The following SYNPO2 variants were observed in gnomAD, a reference collection of about 807,000 sequenced individuals.
SYNPO2 encodes the protein synaptopodin-2.
SYNPO2 carries 56 observed loss-of-function variants against 85.0 expected under a neutral mutation model. The ratio of observed to expected loss-of-function variants is 0.66; its 90% CI spans 0.53 to 0.82. The LOEUF is 0.82. Ranked by LOEUF, SYNPO2 falls within the 40% of genes least tolerant of loss-of-function variation. The pLI, the probability that SYNPO2 is intolerant of heterozygous loss-of-function variation, is 0.00. For missense variants in SYNPO2, 1,575 were observed against 1,534.2 expected, an observed-to-expected ratio of 1.03 and a Z score of -0.44; for synonymous variants, 602 against 591.1, an observed-to-expected ratio of 1.02 and a Z score of -0.27.
At chr4:118,954,307 C>CT (rs961995573) in intron 1 of SYNPO2, among the ~76,000 whole-genome samples, 11 of 152,116 alleles carry the variant, frequency 7.2e-5, no homozygotes, top group South Asian at 2.1e-4. Context: ...AGTGCTTTCT[C>CT]TTTTTTTTCT....
intron 1 of SYNPO2, among the ~76,000 whole-genome samples, chr4:118,857,318 C>A (rs991331619): frequency 3.3e-5 from 5 of 152,008 alleles, no homozygotes; most frequent in African/African-American, 1.2e-4. Flanking sequence ...TAGGGCATAT[C>A]CAGCCACGTA....
intron 1 of SYNPO2, among the ~76,000 whole-genome samples, chr4:118,977,381 A>G (rs1162869192): frequency 6.6e-6 from 1 of 152,190 alleles, no homozygotes; most frequent in Non-Finnish European, 1.5e-5. Flanking sequence ...CCGGAACTCC[A>G]GCTGGCCCGC....
chr4:118,929,583 C>T (rs1306217462), intron 1 of SYNPO2, among the ~76,000 whole-genome samples: 6 of 152,136 alleles, frequency 3.9e-5, no homozygotes, highest in Middle Eastern at 3.4e-3. Flanking sequence ...AATGGAATCC[C>T]GCCCCTCACT....
At chr4:118,940,761 A>T (rs1734282002) in intron 1 of SYNPO2, among the ~76,000 whole-genome samples, 2 of 152,188 alleles carry the variant, frequency 1.3e-5, no homozygotes, top group African/African-American at 4.8e-5. Flanking sequence ...GGGGACACTG[A>T]CAGAGTGAGG....
chr4:118,949,808 A>G (rs1386624034), intron 1 of SYNPO2, among the ~76,000 whole-genome samples: 1 of 152,090 alleles, frequency 6.6e-6, no homozygotes, highest in Non-Finnish European at 1.5e-5. Context: ...TCACTGAACT[A>G]GGGGCTTCTA....
intron 1 of SYNPO2, among the ~76,000 whole-genome samples, chr4:118,952,172 T>C (rs1162639094): frequency 6.6e-6 from 1 of 152,234 alleles, no homozygotes; most frequent in Non-Finnish European, 1.5e-5. Context: ...CTTGCACTAC[T>C]TTGAAGATTA....
intron 1 of SYNPO2, among the ~76,000 whole-genome samples, chr4:118,871,131 T>G (rs1028981834): frequency 3.3e-5 from 5 of 152,120 alleles, no homozygotes; most frequent in Admixed American, 2.0e-4. Flanking sequence ...TGATTTAAAT[T>G]TATAACAACC....
chr4:118,904,891 A>G (rs1732882978), intron 1 of SYNPO2, among the ~76,000 whole-genome samples: 1 of 152,176 alleles, frequency 6.6e-6, no homozygotes, highest in Admixed American at 6.5e-5. Context: ...GCTCAGCATA[A>G]CTGCTATTAG....
rs748538228 is a variant in SYNPO2 at position 119,057,765 on chromosome 4, A to T, written c.3617A>T (p.Asn1206Ile). The change falls in exon 5 of 5, where the codon AAT becomes ATT. Residue 1206 changes from asparagine (N) to isoleucine (I), a missense_variant. By Grantham distance (149) the Asn-to-Ile change is moderately radical (BLOSUM62 -3). Around this residue, in one of 3 missense-constraint regions of SYNPO2, gnomAD observed 1,508 missense variants for 1,446.8 expected, o/e 1.04. Transcript: ENST00000307142. Reference sequence around the variant, plus strand: ...GAGTATAATGTCACAGCCAATAATAATATGTCCACCACCTCCCAATATGGT... The same window carrying T: ...GAGTATAATGTCACAGCCAATAATATTATGTCCACCACCTCCCAATATGGT... ...RQEYNVTANNNMSTTSQYGSQ... is the reference protein window; with the variant it reads ...RQEYNVTANNIMSTTSQYGSQ... 3.1e-6 allele frequency: 5 copies of T among 1,614,106 alleles called. No homozygotes were observed. The highest frequency in any genetic ancestry group is 4.2e-6 in the Non-Finnish European group (5 of 1,180,012).
intron 1 of SYNPO2, among the ~76,000 whole-genome samples, chr4:118,949,391 A>G (rs938204837): frequency 1.3e-5 from 2 of 152,164 alleles, no homozygotes; most frequent in Non-Finnish European, 2.9e-5. Flanking sequence ...CTTCCTTCCA[A>G]AATGCAAATC....
intron 3 of SYNPO2, among the ~76,000 whole-genome samples, chr4:119,028,806 G>A (rs999434783): frequency 6.6e-6 from 1 of 151,324 alleles, no homozygotes; most frequent in South Asian, 2.1e-4. Context: ...ACTGTTTTGA[G>A]GAATTAAAAA....
At position 118,980,797 on chromosome 4, in the gene SYNPO2, G is replaced by A. The variant is rs144396511; in HGVS notation, c.106-42633G>A. Among the ~76,000 whole-genome samples the A allele has an allele frequency of 1.7e-3, 251 of 151,982 alleles. 2 individuals carry two copies. The highest frequency in any genetic ancestry group is 5.7e-3 in the African/African-American group (237 of 41,478). The stretch of plus-strand genomic sequence containing the variant: ...GTTAAAGAAGGGAGGGAAAGAGGAC[G>A]CTGCCTCTTAGGCCTCATCCTGGTG... On this transcript the variant is annotated intron_variant, in intron 1 of 4. Transcript: ENST00000307142.
rs773821154 is a variant in SYNPO2, at chr4:119,032,059, C to A, written c.3252+32C>A. 72 of 1,609,076 alleles carry A rather than the reference C, an allele frequency of 4.5e-5. No individual in the cohort carries two copies. The South Asian group carries it at 7.7e-4, about 17-fold the overall frequency. ...AAACCATCTGTTGTGGAAGAGTAAT[C>A]TTGTAGCTGAAGCTGAGTGTCCACT... On this transcript the variant is annotated intron_variant, in intron 4 of 4. Coordinates refer to ENST00000307142, the MANE Select transcript of SYNPO2 (RefSeq NM_133477.3).
chr4:119,020,297 G>A (rs1174207054), intron 1 of SYNPO2, among the ~76,000 whole-genome samples: 1 of 152,148 alleles, frequency 6.6e-6, no homozygotes, highest in Non-Finnish European at 1.5e-5. Context: ...AATCACAGCA[G>A]TTGATTGTGA....
At chr4:119,051,920 G>T (rs1739062400) in intron 4 of SYNPO2, among the ~76,000 whole-genome samples, 1 of 152,178 alleles carries the variant, frequency 6.6e-6, no homozygotes, top group Admixed American at 6.5e-5. Flanking sequence ...GTTGATTATG[G>T]CAAGGAGAGA....
intron 2 of SYNPO2, among the ~76,000 whole-genome samples, chr4:119,023,961 A>G (rs891823387): frequency 3.9e-5 from 6 of 152,212 alleles, no homozygotes; most frequent in African/African-American, 1.4e-4. Flanking sequence ...AAAATGTTTA[A>G]ATATTAGACC....
rs1001428595 is a variant in SYNPO2 at position 118,895,991 on chromosome 4, T to C, written c.105+6850T>C. Among the ~76,000 whole-genome samples the C allele has an allele frequency of 2.6e-5, 4 of 152,360 alleles. No homozygotes were observed. The East Asian group carries it at 7.7e-4, about 29-fold the overall frequency. On this transcript the variant is annotated intron_variant, in intron 1 of 4. Coordinates refer to ENST00000307142, the MANE Select transcript of SYNPO2 (RefSeq NM_133477.3). ...TATTAATTCGGTTGATAAAGTTTTATAATTCTCAGTTTATAGATTAAAAAA... is the reference window on the plus strand; with the variant it reads ...TATTAATTCGGTTGATAAAGTTTTACAATTCTCAGTTTATAGATTAAAAAA...
At chr4:118,872,641 T>G (rs1174904373) in intron 1 of SYNPO2, among the ~76,000 whole-genome samples, 1 of 152,194 alleles carries the variant, frequency 6.6e-6, no homozygotes, top group Non-Finnish European at 1.5e-5. Flanking sequence ...CTCCTCTTGC[T>G]TTCTGAGGAC....
At chr4:118,904,439 C>T (rs970839145) in intron 1 of SYNPO2, among the ~76,000 whole-genome samples, 4 of 152,076 alleles carry the variant, frequency 2.6e-5, no homozygotes, top group Non-Finnish European at 5.9e-5. Flanking sequence ...TGCTGAATAA[C>T]CTATTGCCCT....
Sources: gnomAD v4.1 joint callset for allele counts (sites outside exome capture counted in the v4.1 genomes callset) on GRCh38, gnomAD v4.1.1 for gene constraint, gnomAD v4.1.1 regional missense constraint, MANE v1.5 for transcripts, NCBI Gene and HGNC (gene_info 2026-07-23, HGNC 2026-07-21) for gene names.